Variants in NAV2 observed in about 807,000 individuals in gnomAD.
The protein encoded by NAV2 is neuron navigator 2.
Under a neutral mutation model 223.2 loss-of-function variants are expected in NAV2, and 54 were observed. The ratio of observed to expected loss-of-function variants is 0.24; its 90% CI spans 0.19 to 0.30. The LOEUF is 0.30. NAV2 is among the 10% of genes least tolerant of loss of function. The probability of loss-of-function intolerance (pLI) is 1.00; values close to 1 mark genes in which losing one functional copy is unlikely to be tolerated. For missense variants in NAV2, 2,806 were observed against 3,147.5 expected, an observed-to-expected ratio of 0.89 and a Z score of 2.60; for synonymous variants, 1,279 against 1,239.3, an observed-to-expected ratio of 1.03 and a Z score of -0.67.
intron 1 of NAV2, among the ~76,000 whole-genome samples, chr11:19,496,768 A>T (rs866040404): frequency 1.3e-5 from 2 of 152,248 alleles, no homozygotes; most frequent in Non-Finnish European, 2.9e-5. Flanking sequence ...AAGCTATTTT[A>T]AAATGACATG....
At chr11:19,543,432 T>A (rs993280194) in intron 1 of NAV2, among the ~76,000 whole-genome samples, 4 of 152,220 alleles carry the variant, frequency 2.6e-5, no homozygotes, top group African/African-American at 9.6e-5. Context: ...CTGGGCTTTT[T>A]GTGTTTGTTT....
At chr11:19,680,788 A>C (rs1213274963) in intron 1 of NAV2, among the ~76,000 whole-genome samples, 5 of 152,226 alleles carry the variant, frequency 3.3e-5, no homozygotes, top group Admixed American at 2.6e-4. Flanking sequence ...TAATTATTAT[A>C]AAACACGGCT....
chr11:19,466,243 A>G (rs529366742), intron 1 of NAV2, among the ~76,000 whole-genome samples: 3 of 152,288 alleles, frequency 2.0e-5, no homozygotes, highest in Non-Finnish European at 4.4e-5. Context: ...ATTTGTCTGT[A>G]TTGGTGGGAT....
intron 6 of NAV2, among the ~76,000 whole-genome samples, chr11:19,916,255 A>G (rs973321683): frequency 6.6e-6 from 1 of 152,200 alleles, no homozygotes; most frequent in Non-Finnish European, 1.5e-5. Context: ...CTATTCCCAA[A>G]TATCTTCCAA....
At chr11:19,778,573 T>C (rs187441469) in intron 1 of NAV2, among the ~76,000 whole-genome samples, 84 of 152,290 alleles carry the variant, frequency 5.5e-4, no homozygotes, top group Admixed American at 1.3e-3. Context: ...GCAGCTGCAT[T>C]GGATACCAAG....
At chr11:19,613,563 A>T (rs1338228012) in intron 1 of NAV2, among the ~76,000 whole-genome samples, 2 of 151,848 alleles carry the variant, frequency 1.3e-5, no homozygotes, top group Non-Finnish European at 2.9e-5. Flanking sequence ...ATGATGTTGG[A>T]GGGGGTCTGA....
chr11:19,366,534 C>A (rs1848289409), intron 1 of NAV2, among the ~76,000 whole-genome samples: 1 of 152,104 alleles, frequency 6.6e-6, no homozygotes, highest in African/African-American at 2.4e-5. Flanking sequence ...GCTTCAGATC[C>A]CTAGGATGGA....
intron 1 of NAV2, among the ~76,000 whole-genome samples, chr11:19,465,118 GA>G (rs1334356265): frequency 1.3e-5 from 2 of 152,134 alleles, no homozygotes; most frequent in African/African-American, 4.8e-5. Flanking sequence ...ACTTAAAATG[GA>G]GCTATTTTAC....
At chr11:19,927,025 T>G (rs1164255063) in intron 6 of NAV2, among the ~76,000 whole-genome samples, 1 of 152,256 alleles carries the variant, frequency 6.6e-6, no homozygotes, top group Non-Finnish European at 1.5e-5. Flanking sequence ...TAGAAAGCAT[T>G]TTGGTTCCTG....
intron 1 of NAV2, among the ~76,000 whole-genome samples, chr11:19,365,362 C>T (rs1246985335): frequency 1.3e-5 from 2 of 152,228 alleles, no homozygotes; most frequent in African/African-American, 4.8e-5. Context: ...TACATCATTT[C>T]ACTGAATCAC....
At chr11:19,480,256 A>T (rs867843008) in intron 1 of NAV2, among the ~76,000 whole-genome samples, 17 of 152,192 alleles carry the variant, frequency 1.1e-4, no homozygotes, top group Admixed American at 3.3e-4. Flanking sequence ...GTATCCTGAT[A>T]TACTTTACCA....
chr11:19,867,593 G>C (rs2062177549), intron 3 of NAV2, among the ~76,000 whole-genome samples: 1 of 151,478 alleles, frequency 6.6e-6, no homozygotes, highest in South Asian at 2.1e-4. Flanking sequence ...ATTGCATTCT[G>C]CACCTTTTTC....
At chr11:19,899,315 C>T (rs2042255779) in intron 6 of NAV2, among the ~76,000 whole-genome samples, 1 of 152,140 alleles carries the variant, frequency 6.6e-6, no homozygotes, top group Non-Finnish European at 1.5e-5. Flanking sequence ...TCTCTATAAA[C>T]ATGTCACTTT....
At chr11:19,907,155 T>C (rs1347941282) in intron 6 of NAV2, among the ~76,000 whole-genome samples, 1 of 152,202 alleles carries the variant, frequency 6.6e-6, no homozygotes, top group Non-Finnish European at 1.5e-5. Flanking sequence ...ATAAGGTTTG[T>C]TGAATCAATG....
chr11:19,881,476 C>G (rs1009040409), intron 5 of NAV2, among the ~76,000 whole-genome samples: 1 of 152,060 alleles, frequency 6.6e-6, no homozygotes, highest in Non-Finnish European at 1.5e-5. Flanking sequence ...GTGCTCATTC[C>G]CTGGGATGTT....
rs2042729017 is a variant in NAV2 at position 19,494,417 on chromosome 11, AT to A, written c.75+143391del. On this transcript the variant is annotated intron_variant, in intron 1 of 37. Coordinates refer to the NAV2 transcript ENST00000360655. Reference sequence around the variant, plus strand: ...ACTTACTAGTATTTACTACACACTAATGAATATGTGCTCTTTGTTAGGAAAG... The same window carrying A: ...ACTTACTAGTATTTACTACACACTAAGAATATGTGCTCTTTGTTAGGAAAG... Among the ~76,000 whole-genome samples the A allele has an allele frequency of 4.6e-5, 7 of 152,344 alleles. 1 individual carries two copies. Among genetic ancestry groups the A allele is most frequent in the African/African-American group, 1.7e-4 (7 of 41,586 alleles).
At chr11:19,371,591 C>A (rs1441722867) in intron 1 of NAV2, among the ~76,000 whole-genome samples, 3 of 152,126 alleles carry the variant, frequency 2.0e-5, no homozygotes, top group African/African-American at 7.2e-5. Context: ...GTAGTACTAG[C>A]TGAAGTAACT....
At chr11:19,641,037 G>A (rs569230200) in intron 1 of NAV2, among the ~76,000 whole-genome samples, 3 of 152,284 alleles carry the variant, frequency 2.0e-5, no homozygotes, top group African/African-American at 7.2e-5. Flanking sequence ...GTTTTGGAGA[G>A]GCAGAGTTCA....
At chr11:19,738,734 A>G (rs561509116) in intron 1 of NAV2, among the ~76,000 whole-genome samples, 1 of 152,122 alleles carries the variant, frequency 6.6e-6, no homozygotes, top group African/African-American at 2.4e-5. Flanking sequence ...AAGGCTCTTT[A>G]AAGGTGTTTT....
Sources: gnomAD v4.1 joint callset for allele counts (sites outside exome capture counted in the v4.1 genomes callset) on GRCh38, gnomAD v4.1.1 for gene constraint, MANE v1.5 for transcripts, NCBI Gene and HGNC (gene_info 2026-07-23, HGNC 2026-07-21) for gene names.